Variants in RIT2 observed in about 807,000 individuals in gnomAD.
The protein encoded by RIT2 is Ras like without CAAX 2.
A neutral mutation model predicts 23.7 loss-of-function variants in RIT2; 24 were observed. The observed-to-expected ratio is 1.01, with a 90% confidence interval of 0.73 to 1.43. The LOEUF (loss-of-function observed/expected upper bound fraction) is 1.43, where lower values mean the gene tolerates loss of function less well. Among genes scored for constraint, RIT2 ranks in the 40% most tolerant of loss-of-function variants. The probability of loss-of-function intolerance (pLI) is 0.00; values close to 1 mark genes in which losing one functional copy is unlikely to be tolerated. For synonymous variants in RIT2, 107 were observed against 91.1 expected, an observed-to-expected ratio of 1.17 and a Z score of -0.99; for missense variants, 236 against 266.9, an observed-to-expected ratio of 0.88 and a Z score of 0.81.
At chr18:42,874,972 G>A (rs1907708291) in intron 4 of RIT2, among the ~76,000 whole-genome samples, 1 of 152,010 alleles carries the variant, frequency 6.6e-6, no homozygotes, top group Non-Finnish European at 1.5e-5. Flanking sequence ...GGCAGCATGT[G>A]GTTTAAAGTT....
intron 4 of RIT2, among the ~76,000 whole-genome samples, chr18:42,813,283 A>C (rs1397337678): frequency 6.6e-6 from 1 of 152,158 alleles, no homozygotes; most frequent in Non-Finnish European, 1.5e-5. Context: ...ATCGTTAACA[A>C]AGAAGAATTA....
chr18:42,755,821 G>A (rs1354159505), intron 4 of RIT2, among the ~76,000 whole-genome samples: 3 of 152,154 alleles, frequency 2.0e-5, no homozygotes, highest in African/African-American at 7.2e-5. Context: ...GGAAATCTCA[G>A]ATCAAAGACA....
intron 4 of RIT2, among the ~76,000 whole-genome samples, chr18:42,745,937 G>C (rs1224322959): frequency 6.6e-6 from 1 of 152,006 alleles, no homozygotes; most frequent in Non-Finnish European, 1.5e-5. Flanking sequence ...TATTAATACA[G>C]CCTAAAGGCC....
intron 1 of RIT2, among the ~76,000 whole-genome samples, chr18:43,041,700 A>G (rs1568064467): frequency 6.6e-6 from 1 of 152,100 alleles, no homozygotes; most frequent in Non-Finnish European, 1.5e-5. Flanking sequence ...TTAAATTTCC[A>G]TTTTATTATT....
At chr18:43,086,050 G>A (rs2144353823) in intron 1 of RIT2, among the ~76,000 whole-genome samples, 1 of 152,244 alleles carries the variant, frequency 6.6e-6, no homozygotes, top group African/African-American at 2.4e-5. Flanking sequence ...TATCAGCAGT[G>A]TGAAGATGGA....
intron 3 of RIT2, among the ~76,000 whole-genome samples, chr18:42,959,783 G>C (rs1910055354): frequency 6.6e-6 from 1 of 152,184 alleles, no homozygotes; most frequent in Non-Finnish European, 1.5e-5. Context: ...CAACAGCCTG[G>C]TGAGAACATC....
intron 2 of RIT2, among the ~76,000 whole-genome samples, chr18:43,009,919 AC>A (rs1438520605): frequency 1.3e-5 from 2 of 151,166 alleles, no homozygotes; most frequent in Non-Finnish European, 3.0e-5. Flanking sequence ...AGTTTTATCC[AC>A]TCTGTCATGT....
chr18:43,072,692 T>C (rs1912925637), intron 1 of RIT2, among the ~76,000 whole-genome samples: 1 of 152,184 alleles, frequency 6.6e-6, no homozygotes, highest in Admixed American at 6.5e-5. Context: ...CTTTACCTTC[T>C]TGCCGTCTGT....
intron 1 of RIT2, among the ~76,000 whole-genome samples, chr18:43,085,508 C>G (rs1012058788): frequency 4.6e-5 from 7 of 152,096 alleles, no homozygotes; most frequent in Non-Finnish European, 1.0e-4. Context: ...CATTCTTCTC[C>G]TTTCCTACCA....
intron 4 of RIT2, among the ~76,000 whole-genome samples, chr18:42,835,846 G>A (rs1284653678): frequency 6.6e-6 from 1 of 151,900 alleles, no homozygotes; most frequent in African/African-American, 2.4e-5. Context: ...GCTCAATATG[G>A]TGTCATTTAA....
chr18:42,821,029 C>T (rs1384546712), intron 4 of RIT2, among the ~76,000 whole-genome samples: 1 of 152,078 alleles, frequency 6.6e-6, no homozygotes, highest in Non-Finnish European at 1.5e-5. Flanking sequence ...CCTGCTGCCC[C>T]TTCATCTTCC....
At chr18:43,023,582 T>C (rs1338065575) in intron 2 of RIT2, among the ~76,000 whole-genome samples, 2 of 152,090 alleles carry the variant, frequency 1.3e-5, no homozygotes, top group African/African-American at 2.4e-5. Context: ...TTTTTATAGA[T>C]GAGGAAAGAC....
intron 4 of RIT2, among the ~76,000 whole-genome samples, chr18:42,782,689 G>C (rs1406259077): frequency 1.3e-5 from 2 of 152,248 alleles, no homozygotes; most frequent in Admixed American, 1.3e-4. Flanking sequence ...TGTTCATAAG[G>C]AGAATCATAG....
chr18:42,929,958 G>A (rs1205304157), intron 3 of RIT2, among the ~76,000 whole-genome samples: 2 of 152,162 alleles, frequency 1.3e-5, no homozygotes, highest in Admixed American at 6.6e-5. Context: ...AAAGATGGAT[G>A]TTCCAGGAGT....
chr18:43,007,086 A>G (rs1016893405), intron 2 of RIT2, among the ~76,000 whole-genome samples: 1 of 151,660 alleles, frequency 6.6e-6, no homozygotes, highest in Non-Finnish European at 1.5e-5. Flanking sequence ...ACTTTCAAGT[A>G]TAAAGATAAT....
intron 4 of RIT2, among the ~76,000 whole-genome samples, chr18:42,816,372 C>T (rs920107528): frequency 5.9e-5 from 9 of 152,080 alleles, no homozygotes; most frequent in African/African-American, 2.2e-4. Flanking sequence ...ATGAATTCAC[C>T]AAATGGTTCA....
chr18:42,931,283 A>G (rs1568033188), intron 3 of RIT2, among the ~76,000 whole-genome samples: 1 of 152,196 alleles, frequency 6.6e-6, no homozygotes, highest in East Asian at 1.9e-4. Context: ...GATGAAGATA[A>G]AAGGGAAAGA....
intron 1 of RIT2, among the ~76,000 whole-genome samples, chr18:43,055,503 C>G (rs1912480502): frequency 6.6e-6 from 1 of 152,034 alleles, no homozygotes; most frequent in Non-Finnish European, 1.5e-5. Context: ...CCCATGATAT[C>G]CTTCAAGTTA....
chr18:42,800,948 A>G (rs1417144446), intron 4 of RIT2, among the ~76,000 whole-genome samples: 1 of 152,068 alleles, frequency 6.6e-6, no homozygotes, highest in Non-Finnish European at 1.5e-5. Flanking sequence ...TTAATTTTGC[A>G]TGCATTCCCT....
Sources: allele counts gnomAD v4.1 joint callset (sites outside exome capture counted in the v4.1 genomes callset), GRCh38; gene constraint gnomAD v4.1.1; transcripts MANE v1.5; gene names NCBI Gene and HGNC (gene_info 2026-07-23, HGNC 2026-07-21).